ZNF676: variants seen among roughly 807,000 people sequenced by gnomAD.
ZNF676 encodes zinc finger protein 676.
ZNF676 carries 4 observed loss-of-function variants against 6.0 expected under a neutral mutation model. The observed-to-expected ratio is 0.67, with a 90% confidence interval of 0.33 to 1.53. ZNF676 has a LOEUF of 1.53. Ranked by LOEUF, ZNF676 falls within the 40% of genes most tolerant of loss-of-function variation. ZNF676 has a pLI of 0.06. For synonymous variants in ZNF676, 198 were observed against 223.1 expected (o/e 0.89, Z 1.00); for missense variants, 644 against 679.7 (o/e 0.95, Z 0.58).
chr19:22,215,651 G>C, exon 1 of ZNF676: 1 of 1,610,144 alleles, frequency 6.2e-7, no homozygotes, highest in Non-Finnish European at 8.5e-7. Context: ...GCTTCCAGGG[G>C]GTCCTGGCGA....
At chr19:22,194,904 T>C (rs1384876014) in intron 1 of ZNF676, among the ~76,000 whole-genome samples, 2 of 152,126 alleles carry the variant, frequency 1.3e-5, no homozygotes, top group Admixed American at 6.6e-5. Flanking sequence ...ACATTAGTTA[T>C]AGGAGACAAA....
chr19:22,228,963 G>A, the ZNF676 span, among the ~76,000 whole-genome samples: 1 of 152,162 alleles, frequency 6.6e-6, no homozygotes, highest in East Asian at 1.9e-4. Flanking sequence ...CCATCCCCAT[G>A]AAGCTACCAA....
intron 2 of ZNF676, among the ~76,000 whole-genome samples, chr19:22,186,214 G>T (rs1027510830): frequency 6.6e-6 from 1 of 152,160 alleles, no homozygotes; most frequent in Non-Finnish European, 1.5e-5. Context: ...AGAAGACTGG[G>T]GGGCCAATAT....
chr19:22,215,926 A>G (rs1405313210), upstream of ZNF676, among the ~76,000 whole-genome samples: 1 of 152,144 alleles, frequency 6.6e-6, no homozygotes, highest in Non-Finnish European at 1.5e-5. Flanking sequence ...CTGAATGAAG[A>G]AAGAGAGCCA....
chr19:22,232,037 G>T, the ZNF676 span, among the ~76,000 whole-genome samples: 1 of 152,154 alleles, frequency 6.6e-6, no homozygotes, highest in Non-Finnish European at 1.5e-5. Flanking sequence ...GTATATCTGT[G>T]TGTGTGTGTG....
upstream of ZNF676, among the ~76,000 whole-genome samples, chr19:22,218,331 T>A (rs2024214071): frequency 1.3e-5 from 2 of 151,478 alleles, no homozygotes; most frequent in African/African-American, 4.8e-5. Flanking sequence ...TGAAGATACT[T>A]TTTTTTTATT....
upstream of ZNF676, chr19:22,215,793 C>T (rs2024179132): frequency 3.1e-5 from 22 of 718,722 alleles, no homozygotes; most frequent in South Asian, 7.3e-5. Context: ...CGGAAGCCGA[C>T]CTGTCCCCCC....
chr19:22,195,561 T>G lies in ZNF676; in HGVS notation c.34+1039A>C, dbSNP rs112045666. Among the ~76,000 whole-genome samples the G allele has an allele frequency of 5.4e-3, 815 of 152,314 alleles. 5 individuals are homozygous for G. The highest frequency in any genetic ancestry group is 0.019 in the African/African-American group (772 of 41,570). On this transcript the variant is annotated intron_variant, in intron 1 of 2. Transcript: ENST00000397121. ...CATAGTTCTATTCAACAGCTCAGTA[T>G]GTGGAGAACTGGATGCAGAGGCATA...
chr19:22,237,054 T>C, the ZNF676 span, among the ~76,000 whole-genome samples: 1 of 152,230 alleles, frequency 6.6e-6, no homozygotes, highest in Non-Finnish European at 1.5e-5. Flanking sequence ...CAGGTGCTGC[T>C]TTCACAAATC....
upstream of ZNF676, among the ~76,000 whole-genome samples, chr19:22,199,273 C>T (rs2024001163): frequency 6.6e-6 from 1 of 152,142 alleles, no homozygotes; most frequent in Non-Finnish European, 1.5e-5. Flanking sequence ...TTATTATTAG[C>T]ATTAATTAGA....
chr19:22,226,052 C>T, the ZNF676 span, among the ~76,000 whole-genome samples: 1 of 151,982 alleles, frequency 6.6e-6, no homozygotes, highest in South Asian at 2.1e-4. Context: ...TTTTAAGACA[C>T]TTATTAGCTA....
Position 22,206,467 on chromosome 19 carries a change from G to A in ZNF676, c.3+9165C>T, listed in dbSNP as rs149833960. On this transcript the variant is annotated intron_variant, in intron 1 of 3. Transcript: ENST00000650058. ...GTGGGTTGATTCCCTGAGGTCAGGAGTTCAAGACCAGCCTGGCCAACATGA... is the reference window on the plus strand; with the variant it reads ...GTGGGTTGATTCCCTGAGGTCAGGAATTCAAGACCAGCCTGGCCAACATGA... Among the ~76,000 whole-genome samples, 1,181 of 152,240 alleles carry A rather than the reference G, an allele frequency of 7.8e-3. 23 individuals carry two copies. The highest frequency in any genetic ancestry group is 0.026 in the African/African-American group (1,085 of 41,546).
intron 1 of ZNF676, among the ~76,000 whole-genome samples, chr19:22,211,312 G>A (rs1229307662): frequency 6.6e-6 from 1 of 152,072 alleles, no homozygotes; most frequent in Non-Finnish European, 1.5e-5. Context: ...TGGGACATCT[G>A]CAGGAAAGGC....
At chr19:22,215,713 G>C in exon 1 of ZNF676, 1 of 1,564,770 alleles carries the variant, frequency 6.4e-7, no homozygotes. Context: ...CAGAGGCTGG[G>C]ACTCTAGGAA....
the ZNF676 span, among the ~76,000 whole-genome samples, chr19:22,240,888 CATACA>C: frequency 6.6e-6 from 1 of 151,920 alleles, no homozygotes; most frequent in African/African-American, 2.4e-5. Context: ...AGAGAGTCAA[CATACA>C]TGGATGATGG....
At chr19:22,237,029 G>A in the ZNF676 span, among the ~76,000 whole-genome samples, 1 of 152,170 alleles carries the variant, frequency 6.6e-6, no homozygotes, top group African/African-American at 2.4e-5. Context: ...GTAATTACAA[G>A]GTTCTTTAAA....
Position 22,196,759 on chromosome 19 carries a change from A to C in ZNF676, c.-126T>G. On this transcript the variant is annotated 5_prime_UTR_variant, in exon 1 of 3. The change creates a new upstream start codon in the 5' untranslated region. Coordinates refer to ENST00000397121, the MANE Select transcript of ZNF676 (RefSeq NM_001001411.3). ...ACACACACAAACACATATATTTACCAATTGGTCATGGGCAGAACTTTTAAT... is the reference window on the plus strand; with the variant it reads ...ACACACACAAACACATATATTTACCCATTGGTCATGGGCAGAACTTTTAAT... 6.4e-7 allele frequency: 1 copy of C among 1,566,440 alleles called. No individual in the cohort carries two copies. Among genetic ancestry groups the C allele is most frequent in the South Asian group, 1.1e-5 (1 of 89,160 alleles).
chr19:22,189,837 A>G (rs761287410), intron 2 of ZNF676, among the ~76,000 whole-genome samples: 2 of 152,190 alleles, frequency 1.3e-5, no homozygotes, highest in African/African-American at 4.8e-5. Flanking sequence ...ATCTCACACC[A>G]GTTAGAATGG....
chr19:22,233,658 C>T, the ZNF676 span, among the ~76,000 whole-genome samples: 1 of 152,266 alleles, frequency 6.6e-6, no homozygotes, highest in Non-Finnish European at 1.5e-5. Flanking sequence ...GCTGCTGTAA[C>T]ATTTACCTCT....
Sources: allele counts gnomAD v4.1 joint callset (sites outside exome capture counted in the v4.1 genomes callset), GRCh38; gene constraint gnomAD v4.1.1; transcripts MANE v1.5; gene names NCBI Gene and HGNC (gene_info 2026-07-23, HGNC 2026-07-21).